ZNF385D: variants seen among roughly 807,000 people sequenced by gnomAD.
ZNF385D encodes zinc finger protein 385D, also known as zinc finger protein 659.
A neutral mutation model predicts 35.8 loss-of-function variants in ZNF385D; 15 were observed. The ratio of observed to expected loss-of-function variants is 0.42; its 90% CI spans 0.28 to 0.64. ZNF385D has a LOEUF of 0.64. Ranked by LOEUF, ZNF385D falls within the 30% of genes least tolerant of loss-of-function variation. ZNF385D has a pLI of 0.23. For missense variants in ZNF385D, 474 were observed against 494.6 expected (o/e 0.96, Z 0.39); for synonymous variants, 212 against 186.8 (o/e 1.13, Z -1.10).
At chr3:21,912,492 G>A (rs1039637723) in intron 3 of ZNF385D, among the ~76,000 whole-genome samples, 1 of 151,974 alleles carries the variant, frequency 6.6e-6, no homozygotes, top group Non-Finnish European at 1.5e-5. Flanking sequence ...AGATAAATCC[G>A]AATGTGTACA....
chr3:21,875,558 C>T (rs1559713317), intron 3 of ZNF385D, among the ~76,000 whole-genome samples: 1 of 152,060 alleles, frequency 6.6e-6, no homozygotes, highest in Non-Finnish European at 1.5e-5. Context: ...AAAAGTCACT[C>T]TACAGTCTTC....
At chr3:21,530,016 C>T (rs6792075) in intron 3 of ZNF385D, among the ~76,000 whole-genome samples, 2,718 of 152,096 alleles carry the variant, frequency 0.018, 71 homozygotes, top group African/African-American at 0.06. Flanking sequence ...TGACTTAGTG[C>T]CATCCCCTTG....
intron 3 of ZNF385D, among the ~76,000 whole-genome samples, chr3:21,914,590 C>T (rs952690208): frequency 1.3e-5 from 2 of 151,836 alleles, no homozygotes; most frequent in Non-Finnish European, 2.9e-5. Flanking sequence ...AAATTATGAA[C>T]ATTTCTAGAA....
At chr3:21,869,998 C>T (rs911078375) in intron 3 of ZNF385D, among the ~76,000 whole-genome samples, 1 of 151,972 alleles carries the variant, frequency 6.6e-6, no homozygotes, top group Non-Finnish European at 1.5e-5. Flanking sequence ...TTATATCCCA[C>T]TGTGGATTTT....
At chr3:21,750,659 C>T (rs1352426089) in intron 1 of ZNF385D, among the ~76,000 whole-genome samples, 1 of 151,266 alleles carries the variant, frequency 6.6e-6, no homozygotes, top group East Asian at 1.9e-4. Flanking sequence ...CCCGCCCCCT[C>T]CACATGTCCC....
intron 2 of ZNF385D, among the ~76,000 whole-genome samples, chr3:22,232,189 A>G (rs575487947): frequency 6.6e-6 from 1 of 152,174 alleles, no homozygotes; most frequent in Non-Finnish European, 1.5e-5. Flanking sequence ...GAAATCTCCA[A>G]TAGGAGATCA....
At chr3:22,063,840 G>A (rs1699806524) in intron 3 of ZNF385D, among the ~76,000 whole-genome samples, 1 of 152,174 alleles carries the variant, frequency 6.6e-6, no homozygotes, top group African/African-American at 2.4e-5. Context: ...CAACTCTAAA[G>A]AGTTATCCAA....
intron 3 of ZNF385D, among the ~76,000 whole-genome samples, chr3:22,115,266 A>G (rs902781581): frequency 2.0e-5 from 3 of 152,112 alleles, no homozygotes; most frequent in African/African-American, 7.2e-5. Flanking sequence ...TAGACATTAC[A>G]TAGAGAAAAT....
intron 1 of ZNF385D, among the ~76,000 whole-genome samples, chr3:21,699,823 CTTTTTTTTTTT>C (rs1006362754): frequency 3.4e-5 from 3 of 88,878 alleles, no homozygotes; most frequent in African/African-American, 1.5e-4. Flanking sequence ...GTTTCTTTTC[CTTTTTTTTTTT>C]TTTTTTTTTT....
At chr3:21,632,091 A>G (rs2125837390) in intron 2 of ZNF385D, among the ~76,000 whole-genome samples, 1 of 152,256 alleles carries the variant, frequency 6.6e-6, no homozygotes, top group South Asian at 2.1e-4. Flanking sequence ...GCACTGTGAC[A>G]CTGTGGTGAA....
At chr3:21,703,906 A>C (rs1449940911) in intron 1 of ZNF385D, among the ~76,000 whole-genome samples, 1 of 152,178 alleles carries the variant, frequency 6.6e-6, no homozygotes, top group South Asian at 2.1e-4. Flanking sequence ...GCACTATGCA[A>C]GTATTCCTTT....
chr3:21,424,835 CCCTTAAAT>C (rs1700940615), intron 6 of ZNF385D, among the ~76,000 whole-genome samples: 1 of 151,816 alleles, frequency 6.6e-6, no homozygotes, highest in Non-Finnish European at 1.5e-5. Flanking sequence ...AAATGTCAAA[CCCTTAAAT>C]TCTAAAGATA....
At chr3:22,295,213 G>A (rs574773078) in intron 2 of ZNF385D, among the ~76,000 whole-genome samples, 1 of 152,182 alleles carries the variant, frequency 6.6e-6, no homozygotes, top group South Asian at 2.1e-4. Context: ...GTCTTTCAGA[G>A]GCTGTGAAAA....
Position 21,540,282 on chromosome 3 carries a change from G to C in ZNF385D, c.276+24292C>G, listed in dbSNP as rs562402006. ...TATTTTGGTAGAATATTTTATATGAGAGAGAAGATAGAGTCAAAGATAGAC... is the reference window on the plus strand; with the variant it reads ...TATTTTGGTAGAATATTTTATATGACAGAGAAGATAGAGTCAAAGATAGAC... On this transcript the variant is annotated intron_variant, in intron 3 of 7. Transcript: ENST00000281523. Among the ~76,000 whole-genome samples the C allele has an allele frequency of 4.9e-4, 74 of 152,298 alleles. 1 individual carries two copies. The highest frequency in any genetic ancestry group is 1.7e-3 in the African/African-American group (72 of 41,570).
intron 1 of ZNF385D, among the ~76,000 whole-genome samples, chr3:21,719,910 ACT>A (rs1271357811): frequency 1.3e-5 from 2 of 152,024 alleles, no homozygotes; most frequent in African/African-American, 2.4e-5. Flanking sequence ...AATCAGGAGA[ACT>A]CTCTCTCTCA....
chr3:21,619,913 C>T (rs895764737), intron 2 of ZNF385D, among the ~76,000 whole-genome samples: 4 of 152,122 alleles, frequency 2.6e-5, no homozygotes, highest in Non-Finnish European at 5.9e-5. Context: ...TGGTTCTTTG[C>T]ATGCAGCAGC....
At chr3:22,101,520 T>C (rs536927177) in intron 3 of ZNF385D, among the ~76,000 whole-genome samples, 8 of 152,200 alleles carry the variant, frequency 5.3e-5, no homozygotes, top group Middle Eastern at 3.4e-3. Flanking sequence ...ATCTAAATGA[T>C]TGCAAAATAG....
At position 22,083,886 on chromosome 3, in the gene ZNF385D, A is replaced by G. The variant is rs149658141; in HGVS notation, c.325+84931T>C. On this transcript the variant is annotated intron_variant, in intron 3 of 5. Transcript: ENST00000494108. ...CCATCAGACTAACAGCTGATCTCTC[A>G]GCAGAAACTCTACAAGCCAGAAGAG... 1.2e-3 allele frequency among the ~76,000 whole-genome samples: 189 copies of G among 152,296 alleles called. 1 individual carries two copies. The highest frequency in any genetic ancestry group is 5.6e-3 in the East Asian group (29 of 5,190).
intron 3 of ZNF385D, among the ~76,000 whole-genome samples, chr3:21,848,295 C>T (rs1435494779): frequency 6.6e-6 from 1 of 151,832 alleles, no homozygotes; most frequent in Non-Finnish European, 1.5e-5. Context: ...GTCAGTAGTG[C>T]TACAGTGAAC....
Sources: allele counts gnomAD v4.1 joint callset (sites outside exome capture counted in the v4.1 genomes callset), GRCh38; gene constraint gnomAD v4.1.1; transcripts MANE v1.5; gene names NCBI Gene and HGNC (gene_info 2026-07-23, HGNC 2026-07-21).